SLC1A4: variants seen among roughly 807,000 people sequenced by gnomAD.
SLC1A4 encodes the protein solute carrier family 1 member 4.
SLC1A4 carries 19 observed loss-of-function variants against 37.7 expected under a neutral mutation model. That is an observed-to-expected ratio of 0.50 (90% CI 0.35 to 0.74). The LOEUF is 0.74. Ranked by LOEUF, SLC1A4 falls within the 30% of genes least tolerant of loss-of-function variation. SLC1A4 has a pLI of 0.01. For missense variants in SLC1A4, 570 were observed against 712.9 expected, an observed-to-expected ratio of 0.80 and a Z score of 2.28; for synonymous variants, 299 against 309.8, an observed-to-expected ratio of 0.97 and a Z score of 0.37.
At chr2:64,992,192 T>C (rs1673084507) in intron 1 of SLC1A4, among the ~76,000 whole-genome samples, 1 of 152,156 alleles carries the variant, frequency 6.6e-6, no homozygotes, top group Non-Finnish European at 1.5e-5. Context: ...GGAGAATGGA[T>C]GTTCAGCTCT....
chr2:64,989,469 T>G lies in SLC1A4; in HGVS notation c.-175T>G, dbSNP rs549336090. On this transcript the variant is annotated 5_prime_UTR_variant, in exon 1 of 8. Coordinates refer to ENST00000234256, the MANE Select transcript of SLC1A4 (RefSeq NM_003038.5). ...CCGCCCGCGGCTCCAACCCGCACTC[T>G]GCGCCTCTCCTCGCCTTTCTCGCAC... 68 of 503,372 alleles carry G rather than the reference T, an allele frequency of 1.4e-4. No individual in the cohort carries two copies. Among genetic ancestry groups the G allele is most frequent in the African/African-American group, 1.2e-3 (60 of 49,618 alleles). The allele number at this position is 503,372 out of a possible 1,614,324, so 31.2% of individuals were successfully genotyped here.
intron 3 of SLC1A4, among the ~76,000 whole-genome samples, chr2:65,006,337 T>TA (rs1264026845): frequency 6.6e-6 from 1 of 151,742 alleles, no homozygotes; most frequent in Non-Finnish European, 1.5e-5. Flanking sequence ...ACTAAGAATA[T>TA]AAAAATTAGC....
intron 2 of SLC1A4, among the ~76,000 whole-genome samples, chr2:65,002,567 A>ATTTTTTTTTT (rs1324825931): frequency 3.5e-5 from 4 of 115,526 alleles, no homozygotes; most frequent in African/African-American, 1.1e-4. Flanking sequence ...TCCTGTGACC[A>ATTTTTTTTTT]TTCTTTTTTT....
At chr2:65,004,667 A>AT (rs1673609015) in intron 3 of SLC1A4, among the ~76,000 whole-genome samples, 2 of 152,108 alleles carry the variant, frequency 1.3e-5, no homozygotes, top group Admixed American at 1.3e-4. Context: ...TACCTATTAC[A>AT]TTTTAAAAAA....
At chr2:64,992,839 C>A (rs1057057509) in intron 1 of SLC1A4, among the ~76,000 whole-genome samples, 2 of 152,158 alleles carry the variant, frequency 1.3e-5, no homozygotes, top group Non-Finnish European at 2.9e-5. Flanking sequence ...CTCCAGCCAG[C>A]GTGGAGGCTG....
intron 2 of SLC1A4, among the ~76,000 whole-genome samples, chr2:65,003,233 C>T (rs1007155732): frequency 6.6e-6 from 1 of 152,222 alleles, no homozygotes; most frequent in African/African-American, 2.4e-5. Context: ...CTCCTCCTGA[C>T]AGTTCAAGGA....
In SLC1A4 at chr2:64,989,725, G is replaced by C. The variant is rs1672968370; in HGVS notation, c.82G>C (p.Ala28Pro). The change falls in exon 1 of 8, where the codon GCG (alanine) becomes CCG (proline). Residue 28 changes from alanine to proline, a missense_variant. Ala to Pro is a conservative substitution (Grantham distance 27). Coordinates refer to ENST00000234256, the MANE Select transcript of SLC1A4 (RefSeq NM_003038.5). ...GGCCGGGCCCGGAGCTCCGGGGACC[G>C]CGGCGGGACGCGCACGGCGTTGCGC... is the stretch of plus-strand genomic sequence containing the variant. The part of the protein sequence containing the change: ...PAAGPGAPGT[A>P]AGRARRCAGF... 6.8e-7 allele frequency: 1 copy of C among 1,478,790 alleles called. No individual in the cohort carries two copies. Among genetic ancestry groups the C allele is most frequent in the Non-Finnish European group, 8.9e-7 (1 of 1,119,786 alleles). The allele number at this position is 1,478,790 out of a possible 1,614,324, so 91.6% of individuals were successfully genotyped here. A position where few individuals can be genotyped will look rare whatever the true frequency, so the allele number is the denominator to read the frequency against.
intron 7 of SLC1A4, among the ~76,000 whole-genome samples, chr2:65,020,021 C>T (rs954056850): frequency 4.5e-4 from 69 of 152,304 alleles, no homozygotes; most frequent in African/African-American, 1.4e-3. Context: ...CCTCTGAGCT[C>T]CAGGGACAGG....
intron 1 of SLC1A4, among the ~76,000 whole-genome samples, chr2:64,995,271 C>G (rs1175952877): frequency 6.6e-6 from 1 of 152,160 alleles, no homozygotes; most frequent in East Asian, 1.9e-4. Flanking sequence ...GTCGTTTGTC[C>G]TCTCTGTGCC....
In SLC1A4 at chr2:65,016,616, T is replaced by A; in HGVS notation, c.977T>A (p.Phe326Tyr). The A allele has an allele frequency of 6.2e-7, 1 of 1,614,184 alleles. No individual in the cohort carries two copies. Residue 326 changes from phenylalanine to tyrosine, a missense_variant, in exon 5 of 8, where the codon TTC (phenylalanine) becomes TAC (tyrosine). Coordinates refer to ENST00000234256, the MANE Select transcript of SLC1A4 (RefSeq NM_003038.5). ...TTTGTTTTCACACGAAAAAACCCAT[T>A]CAGATTCCTCCTGGGCCTCCTCGCC... is the stretch of plus-strand genomic sequence containing the variant. ...IYFVFTRKNP[F>Y]RFLLGLLAPF...
At chr2:65,009,530 A>T (rs1673827133) in intron 3 of SLC1A4, among the ~76,000 whole-genome samples, 1 of 152,250 alleles carries the variant, frequency 6.6e-6, no homozygotes, top group East Asian at 1.9e-4. Flanking sequence ...ACATGTCTCC[A>T]GTTAATTTGG....
At chr2:64,999,912 A>G (rs1673398531) in intron 1 of SLC1A4, 1 of 152,116 alleles carries the variant, frequency 6.6e-6, no homozygotes, top group Non-Finnish European at 1.5e-5. Context: ...ATTAGAAGCA[A>G]GTCATAGGTC....
intron 3 of SLC1A4, among the ~76,000 whole-genome samples, chr2:65,009,130 C>T (rs1007543741): frequency 4.6e-5 from 7 of 152,264 alleles, no homozygotes; most frequent in East Asian, 3.9e-4. Flanking sequence ...AGTGCTGAGG[C>T]GGGCAGATCA....
rs1032232940 is a variant in SLC1A4 at position 65,012,731 on chromosome 2, A to T, written c.800+1968A>T. Reference sequence around the variant, plus strand: ...AAGTCTAAAATATTAATATTTTCCAAAGTTTAGACTAAAAAAAAGAAATTG... The same window carrying T: ...AAGTCTAAAATATTAATATTTTCCATAGTTTAGACTAAAAAAAAGAAATTG... On this transcript the variant is annotated intron_variant, in intron 4 of 7. Transcript: ENST00000234256. Among the ~76,000 whole-genome samples the T allele has an allele frequency of 2.0e-5, 3 of 152,264 alleles. No individual in the cohort carries two copies. The South Asian group carries it at 6.2e-4, about 32-fold the overall frequency.
chr2:65,012,079 G>GT (rs928083560), intron 4 of SLC1A4, among the ~76,000 whole-genome samples: 5 of 149,764 alleles, frequency 3.3e-5, no homozygotes, highest in South Asian at 2.1e-4. Context: ...GCTTCTACTT[G>GT]TTTTTTTGTT....
Position 65,018,417 on chromosome 2 carries a change from C to T in SLC1A4, c.1230-128C>T, listed in dbSNP as rs191278775. On this transcript the variant is annotated intron_variant, in intron 6 of 7. Coordinates refer to ENST00000234256, the MANE Select transcript of SLC1A4 (RefSeq NM_003038.5). This position sits in a 1 kb window ranked among gnomAD's most constrained non-coding sequence, Gnocchi z 4.3. ...AAGAGCGTGTGTTGACTCTCAAGGG[C>T]GTAGCCAGCAGAGCCTATGGTGGGG... 660 of 1,415,894 alleles carry T rather than the reference C, an allele frequency of 4.7e-4. 1 individual carries two copies. In the African/African-American group the frequency reaches 8.3e-3, roughly 18 times the overall value. 87.7% of individuals were successfully genotyped at this position (1,415,894 alleles called of 1,614,324 possible). A position where few individuals can be genotyped will look rare whatever the true frequency, so the allele number is the denominator to read the frequency against.
rs113097939 is a variant in SLC1A4, at chr2:64,997,079, G to A, written c.528-4369G>A. Among the ~76,000 whole-genome samples the A allele has an allele frequency of 3.5e-3, 539 of 152,200 alleles. 1 individual carries two copies. Among genetic ancestry groups the A allele is most frequent in the African/African-American group, 0.012 (515 of 41,524 alleles). The stretch of plus-strand genomic sequence containing the variant: ...CTGGCAGCCTCATCTCCTTGCCCTT[G>A]GTGACAGCAGGAGGGCACTGCTCCT... On this transcript the variant is annotated intron_variant, in intron 1 of 7. Transcript: ENST00000234256.
At chr2:65,011,684 T>TCAC (rs1356178359) in intron 4 of SLC1A4, 2 of 152,352 alleles carry the variant, frequency 1.3e-5, no homozygotes, top group East Asian at 3.9e-4. Flanking sequence ...ACCAGCTCCC[T>TCAC]CACTCCAAAA....
chr2:65,011,263 T>G (rs971387682), intron 4 of SLC1A4: 6 of 152,482 alleles, frequency 3.9e-5, no homozygotes, highest in African/African-American at 1.4e-4. Context: ...AATGCTCTTC[T>G]TTTATGTAGG....
Sources: allele counts gnomAD v4.1 joint callset (sites outside exome capture counted in the v4.1 genomes callset), GRCh38; gene constraint gnomAD v4.1.1; non-coding constraint Gnocchi (gnomAD v3.1); transcripts MANE v1.5; gene names NCBI Gene and HGNC (gene_info 2026-07-23, HGNC 2026-07-21).